The following NCOA2 variants were observed in gnomAD, a reference collection of about 807,000 sequenced individuals.
NCOA2 encodes the protein nuclear receptor coactivator 2.
NCOA2 carries 21 observed loss-of-function variants against 145.1 expected under a neutral mutation model. That is an observed-to-expected ratio of 0.14 (90% confidence interval 0.10 to 0.21). The LOEUF (loss-of-function observed/expected upper bound fraction) is 0.21, where lower values mean the gene tolerates loss of function less well. Ranked by LOEUF, NCOA2 falls within the 10% of genes least tolerant of loss-of-function variation. NCOA2 has a pLI of 1.00. For missense variants in NCOA2, 1,472 were observed against 1,837.6 expected (o/e 0.80, Z 3.64); for synonymous variants, 619 against 637.5 (o/e 0.97, Z 0.44).
Position 70,127,067 on chromosome 8 carries a change from A to G in NCOA2, c.3682-20T>C, listed in dbSNP as rs751515948. ...AGGTGCCTGAAATCCGGGGCAACACATGGAGGAAAATGTCGGGGACAGACA... is the reference window on the plus strand; with the variant it reads ...AGGTGCCTGAAATCCGGGGCAACACGTGGAGGAAAATGTCGGGGACAGACA... On this transcript the variant is annotated intron_variant, in intron 18 of 22. Transcript: ENST00000452400. The G allele has an allele frequency of 5.2e-6, 8 of 1,545,722 alleles. No individual in the cohort carries two copies. In the Admixed American group the frequency reaches 1.4e-4, roughly 28 times the overall value.
At chr8:70,287,219 G>C (rs1826297888) in intron 2 of NCOA2, among the ~76,000 whole-genome samples, 2 of 152,002 alleles carry the variant, frequency 1.3e-5, no homozygotes, top group African/African-American at 4.8e-5. Flanking sequence ...ACTTCGGCCT[G>C]GGTGAAAGAG....
At chr8:70,212,776 G>T (rs965980184) in intron 4 of NCOA2, among the ~76,000 whole-genome samples, 1 of 152,042 alleles carries the variant, frequency 6.6e-6, no homozygotes, top group Non-Finnish European at 1.5e-5. Context: ...AACTCTAAGA[G>T]GATGCATTCA....
intron 2 of NCOA2, among the ~76,000 whole-genome samples, chr8:70,249,887 T>C (rs549095625): frequency 5.8e-5 from 8 of 138,874 alleles, no homozygotes; most frequent in African/African-American, 2.2e-4. Context: ...CGCTTGAACC[T>C]GGGAGGCAGA....
At chr8:70,307,001 A>T (rs1001540311) in intron 1 of NCOA2, among the ~76,000 whole-genome samples, 2 of 152,184 alleles carry the variant, frequency 1.3e-5, no homozygotes, top group South Asian at 4.1e-4. Flanking sequence ...CCACTCTCCC[A>T]GGTTGCTTCT....
chr8:70,194,122 T>C (rs985466259), intron 4 of NCOA2, among the ~76,000 whole-genome samples: 2 of 152,320 alleles, frequency 1.3e-5, no homozygotes, highest in Admixed American at 1.3e-4. Flanking sequence ...GTGACTATGT[T>C]GAATTGGGGT....
chr8:70,334,507 A>G (rs1017092616), intron 1 of NCOA2, among the ~76,000 whole-genome samples: 2 of 152,146 alleles, frequency 1.3e-5, no homozygotes, highest in African/African-American at 2.4e-5. Context: ...TAGTCTATGT[A>G]CAACGTTCTT....
Position 70,400,346 on chromosome 8 carries a change from C to A in NCOA2, c.-77+3354G>T, listed in dbSNP as rs555788943. ...GAGCACACAATGGAATCACAGCTGACGATGCACATCTTTTTCTAGATGTCT... is the reference window on the plus strand; with the variant it reads ...GAGCACACAATGGAATCACAGCTGAAGATGCACATCTTTTTCTAGATGTCT... On this transcript the variant is annotated intron_variant, in intron 1 of 22. Transcript: ENST00000452400. Among the ~76,000 whole-genome samples the A allele has an allele frequency of 4.6e-5, 7 of 152,200 alleles. No individual in the cohort carries two copies. In the South Asian group the frequency reaches 1.5e-3, roughly 32 times the overall value.
At chr8:70,167,247 T>G (rs975806086) in intron 6 of NCOA2, among the ~76,000 whole-genome samples, 2 of 152,230 alleles carry the variant, frequency 1.3e-5, no homozygotes, top group African/African-American at 4.8e-5. Flanking sequence ...TCAGAGGATT[T>G]AGACTTGATG....
intron 1 of NCOA2, among the ~76,000 whole-genome samples, chr8:70,369,198 T>C (rs1810996031): frequency 6.6e-6 from 1 of 152,214 alleles, no homozygotes; most frequent in South Asian, 2.1e-4. Context: ...CACACTGACG[T>C]AGTCTAAAAA....
Position 70,118,536 on chromosome 8 carries a change from T to C in NCOA2, c.4383+2766A>G, listed in dbSNP as rs1467689619. 2.6e-5 allele frequency among the ~76,000 whole-genome samples: 4 copies of C among 152,182 alleles called. No individual in the cohort carries two copies. In the East Asian group the frequency reaches 7.7e-4, roughly 29 times the overall value. On this transcript the variant is annotated intron_variant, in intron 22 of 22. Coordinates refer to ENST00000452400, the MANE Select transcript of NCOA2 (RefSeq NM_006540.4). ...ATTCTTAAAAACAAGAGAAACCGCATGGAGAATATGCACACAGTAAGTTAA... is the reference window on the plus strand; with the variant it reads ...ATTCTTAAAAACAAGAGAAACCGCACGGAGAATATGCACACAGTAAGTTAA...
At chr8:70,403,842 C>G (rs1814620130), upstream of NCOA2, 5 of 394,474 alleles carry the variant, frequency 1.3e-5, no homozygotes, top group Non-Finnish European at 2.2e-5. Context: ...GATCCTCCCC[C>G]AACTCCCTCC....
chr8:70,424,421 G>T, the NCOA2 span: 2 of 448,364 alleles, frequency 4.5e-6, no homozygotes. Context: ...TGTGCTCTTG[G>T]TGAGGTTAGT....
intron 1 of NCOA2, among the ~76,000 whole-genome samples, chr8:70,384,892 G>T (rs1326476818): frequency 6.6e-6 from 1 of 152,094 alleles, no homozygotes; most frequent in East Asian, 1.9e-4. Flanking sequence ...GAGAACCATT[G>T]AATCAGACCT....
intron 12 of NCOA2, among the ~76,000 whole-genome samples, chr8:70,145,331 C>CTTTCTTTTTTT (rs755821974): frequency 6.8e-6 from 1 of 146,768 alleles, no homozygotes; most frequent in Non-Finnish European, 1.5e-5. Context: ...CTAATTTTTT[C>CTTTCTTTTTTT]TTTTTTTTTT....
chr8:70,360,695 T>C (rs1198175262), intron 1 of NCOA2, among the ~76,000 whole-genome samples: 3 of 152,150 alleles, frequency 2.0e-5, no homozygotes, highest in Non-Finnish European at 4.4e-5. Context: ...CCCAGCACTT[T>C]GGGAGGCTGA....
chr8:70,393,998 A>G (rs1813436222), intron 1 of NCOA2, among the ~76,000 whole-genome samples: 1 of 152,210 alleles, frequency 6.6e-6, no homozygotes, highest in African/African-American at 2.4e-5. Context: ...ATTCCATTCT[A>G]TTAGGATCGT....
intron 11 of NCOA2, among the ~76,000 whole-genome samples, chr8:70,150,017 T>TGAG (rs1169961267): frequency 6.6e-6 from 1 of 152,224 alleles, no homozygotes. Flanking sequence ...TTACAGCAAA[T>TGAG]TTAACATCCA....
At chr8:70,442,539 A>C in the NCOA2 span, among the ~76,000 whole-genome samples, 184 of 152,334 alleles carry the variant, frequency 1.2e-3, no homozygotes, top group Non-Finnish European at 2.2e-3. Flanking sequence ...CTTCATTTGC[A>C]TGAAAAGGGA....
intron 2 of NCOA2, among the ~76,000 whole-genome samples, chr8:70,218,612 G>A (rs1819869988): frequency 6.6e-6 from 1 of 152,056 alleles, no homozygotes; most frequent in Non-Finnish European, 1.5e-5. Context: ...CTAAATTCCA[G>A]AACCCTTCTC....
Sources: allele counts gnomAD v4.1 joint callset (sites outside exome capture counted in the v4.1 genomes callset), GRCh38; gene constraint gnomAD v4.1.1; transcripts MANE v1.5; gene names NCBI Gene and HGNC (gene_info 2026-07-23, HGNC 2026-07-21).